The following DESI2 variants were observed in gnomAD, a reference collection of about 807,000 sequenced individuals.
The protein encoded by DESI2 is desumoylating isopeptidase 2, also known as deubiquitinase DESI2.
In DESI2, 10 loss-of-function variants were observed where a neutral mutation model predicts 24.1. The ratio of observed to expected loss-of-function variants is 0.41; its 90% confidence interval spans 0.26 to 0.70. The LOEUF is 0.70. Among genes scored for constraint, DESI2 ranks in the 30% least tolerant of loss-of-function variants. The probability of loss-of-function intolerance (pLI) is 0.29; values close to 1 mark genes in which losing one functional copy is unlikely to be tolerated. For synonymous variants in DESI2, 71 were observed against 87.7 expected (o/e 0.81, Z 1.06); for missense variants, 122 against 234.9 (o/e 0.52, Z 3.14).
At chr1:244,679,976 T>C (rs1573203621) in intron 1 of DESI2, among the ~76,000 whole-genome samples, 1 of 150,762 alleles carries the variant, frequency 6.6e-6, no homozygotes, top group East Asian at 1.9e-4. Context: ...ATATAGTCTA[T>C]ATTCATGTTT....
intron 4 of DESI2, among the ~76,000 whole-genome samples, chr1:244,702,094 T>TAC (rs1558137635): frequency 6.6e-6 from 1 of 152,212 alleles, no homozygotes; most frequent in African/African-American, 2.4e-5. Context: ...TGACCCAGTT[T>TAC]ACACACACAC....
In DESI2 at chr1:244,705,119, A is replaced by T. The variant is rs565099962; in HGVS notation, c.352-437A>T. Among the ~76,000 whole-genome samples the T allele has an allele frequency of 2.0e-5, 3 of 152,280 alleles. No individual in the cohort carries two copies. The East Asian group carries it at 5.8e-4, about 29-fold the overall frequency. Reference sequence around the variant, plus strand: ...TGGAGAAAAGGGGAAAGTCAAAAAGAATCTGTGAAAAAGAAGAATTCACAA... The same window carrying T: ...TGGAGAAAAGGGGAAAGTCAAAAAGTATCTGTGAAAAAGAAGAATTCACAA... On this transcript the variant is annotated intron_variant, in intron 4 of 4. Coordinates refer to ENST00000302550, the MANE Select transcript of DESI2 (RefSeq NM_016076.5).
intron 1 of DESI2, among the ~76,000 whole-genome samples, chr1:244,669,352 A>G (rs1676160510): frequency 6.6e-6 from 1 of 151,878 alleles, no homozygotes; most frequent in Non-Finnish European, 1.5e-5. Flanking sequence ...TCAGAATCTT[A>G]ATAAGAAAAC....
At chr1:244,659,506 C>G (rs894047884) in intron 1 of DESI2, among the ~76,000 whole-genome samples, 1 of 152,186 alleles carries the variant, frequency 6.6e-6, no homozygotes, top group African/African-American at 2.4e-5. Flanking sequence ...TTCCTGCTGT[C>G]AGCTGGGATC....
At chr1:244,664,946 G>T (rs1238023936) in intron 1 of DESI2, among the ~76,000 whole-genome samples, 1 of 152,158 alleles carries the variant, frequency 6.6e-6, no homozygotes, top group Non-Finnish European at 1.5e-5. Flanking sequence ...TTATCCCAAT[G>T]CTGTTTATTG....
intron 1 of DESI2, 81 bp from the exon 2 acceptor site, chr1:244,686,516 T>TG (rs1676829621): frequency 2.3e-6 from 2 of 857,134 alleles, no homozygotes. Flanking sequence ...AGTGAAAGAC[T>TG]GGGGAGCAGT....
chr1:244,674,101 T>C (rs1360525509), intron 1 of DESI2, among the ~76,000 whole-genome samples: 1 of 150,612 alleles, frequency 6.6e-6, no homozygotes, highest in African/African-American at 2.4e-5. Context: ...TTCAAGTAAT[T>C]CTCCTGCCTC....
At chr1:244,657,787 T>G (rs1337759247) in intron 1 of DESI2, among the ~76,000 whole-genome samples, 2 of 152,218 alleles carry the variant, frequency 1.3e-5, no homozygotes, top group Non-Finnish European at 2.9e-5. Context: ...CAGCAGTATG[T>G]GAAGGAAGAT....
At chr1:244,654,111 G>T in intron 1 of DESI2, 1 of 442,460 alleles carries the variant, frequency 2.3e-6, no homozygotes. Flanking sequence ...TGGCAAGCAC[G>T]CAGAATCGAG....
chr1:244,653,561 G>C, intron 1 of DESI2: 1 of 553,932 alleles, frequency 1.8e-6, no homozygotes, highest in South Asian at 2.6e-5. Flanking sequence ...GTCAGCCCGA[G>C]GGTTTTGGCC....
intron 1 of DESI2, among the ~76,000 whole-genome samples, chr1:244,683,858 G>A (rs1029037313): frequency 2.7e-5 from 4 of 148,844 alleles, no homozygotes; most frequent in East Asian, 2.0e-4. Flanking sequence ...CTAGGACCAC[G>A]GGTACCTGGC....
chr1:244,665,821 C>A (rs1327022515), intron 1 of DESI2, among the ~76,000 whole-genome samples: 1 of 152,216 alleles, frequency 6.6e-6, no homozygotes, highest in Non-Finnish European at 1.5e-5. Context: ...ATCTATCAAG[C>A]CCCACAGTTG....
intron 1 of DESI2, among the ~76,000 whole-genome samples, chr1:244,674,805 A>C (rs1676361929): frequency 6.6e-6 from 1 of 152,244 alleles, no homozygotes; most frequent in Non-Finnish European, 1.5e-5. Context: ...TATTACAAGT[A>C]ATGCTGCCGT....
intron 1 of DESI2, among the ~76,000 whole-genome samples, chr1:244,664,543 A>G (rs1675976735): frequency 6.6e-6 from 1 of 152,186 alleles, no homozygotes; most frequent in Non-Finnish European, 1.5e-5. Flanking sequence ...TTATCTCTAC[A>G]AAAAATAAAT....
chr1:244,696,020 T>G (rs1177710116), intron 4 of DESI2, among the ~76,000 whole-genome samples: 1 of 152,144 alleles, frequency 6.6e-6, no homozygotes, highest in Non-Finnish European at 1.5e-5. Context: ...TCCTCCCACC[T>G]CAGCCTCCCA....
chr1:244,676,084 A>ATT lies in DESI2; in HGVS notation c.43-10504_43-10503dup, dbSNP rs60555198. Among the ~76,000 whole-genome samples the ATT allele has an allele frequency of 7.7e-3, 1,151 of 150,048 alleles. 17 individuals are homozygous for ATT. The highest frequency in any genetic ancestry group is 0.025 in the African/African-American group (1,030 of 40,962). On this transcript the variant is annotated intron_variant, in intron 1 of 4. Transcript: ENST00000302550. ...TTGCTAGTGTATAGAAATACAATCAATTTTTTTTTTGAGACAGAGTCTTGC... is the reference window on the plus strand; with the variant it reads ...TTGCTAGTGTATAGAAATACAATCAATTTTTTTTTTTTGAGACAGAGTCTTGC...
At position 244,653,373 on chromosome 1, in the gene DESI2, C is replaced by T; in HGVS notation, c.42+18C>T. The T allele has an allele frequency of 6.5e-7, 1 of 1,542,658 alleles. No individual in the cohort carries two copies. Among genetic ancestry groups the T allele is most frequent in the Non-Finnish European group, 8.7e-7 (1 of 1,151,742 alleles). On this transcript the variant is annotated intron_variant, in intron 1 of 4. Coordinates refer to ENST00000302550, the MANE Select transcript of DESI2 (RefSeq NM_016076.5). ...ACGACATGGTGAGTGCGGCCCCTGG[C>T]GGCCCCGAGCCCTGGCCCAGGCCGG... is the stretch of plus-strand genomic sequence containing the variant.
At chr1:244,683,166 C>T (rs1268203913) in intron 1 of DESI2, among the ~76,000 whole-genome samples, 2 of 152,144 alleles carry the variant, frequency 1.3e-5, no homozygotes, top group East Asian at 3.9e-4. Flanking sequence ...GGAACCTGAC[C>T]AGATATGGAG....
At chr1:244,701,207 TCCCCTCCACCCCCCC>T (rs1183295416) in intron 4 of DESI2, among the ~76,000 whole-genome samples, 1 of 39,628 alleles carries the variant, frequency 2.5e-5, no homozygotes, top group African/African-American at 2.4e-4. Flanking sequence ...TGGACCACCT[TCCCCTCCACCCCCCC>T]CCCCCCCCCC....
Sources: allele counts gnomAD v4.1 joint callset (sites outside exome capture counted in the v4.1 genomes callset), GRCh38; gene constraint gnomAD v4.1.1; transcripts MANE v1.5; gene names NCBI Gene and HGNC (gene_info 2026-07-23, HGNC 2026-07-21).